MFNG: variants seen among roughly 807,000 people sequenced by gnomAD.
MFNG encodes the protein MFNG O-fucosylpeptide 3-beta-N-acetylglucosaminyltransferase.
A neutral mutation model predicts 34.2 loss-of-function variants in MFNG; 24 were observed. That is an observed-to-expected ratio of 0.70 (90% CI 0.51 to 0.99). The LOEUF (loss-of-function observed/expected upper bound fraction) is 0.99, where lower values mean the gene tolerates loss of function less well. MFNG is among the 50% of genes least tolerant of loss of function. The pLI, the probability that MFNG is intolerant of heterozygous loss-of-function variation, is 0.00. For missense variants in MFNG, 383 were observed against 424.0 expected (o/e 0.90, Z 0.85); for synonymous variants, 158 against 179.2 (o/e 0.88, Z 0.94).
At chr22:37,478,927 C>T (rs1922161712) in intron 4 of MFNG, among the ~76,000 whole-genome samples, 1 of 152,158 alleles carries the variant, frequency 6.6e-6, no homozygotes, top group African/African-American at 2.4e-5. Flanking sequence ...CACCCACCCA[C>T]CTCAGCCTCC....
intron 2 of MFNG, 68 bp downstream of exon 2, chr22:37,480,653 C>T (rs1922253045): frequency 3.4e-6 from 5 of 1,484,758 alleles, no homozygotes; most frequent in Non-Finnish European, 4.7e-6. Flanking sequence ...CAGGCCAGGG[C>T]ACAGCCGCCC....
chr22:37,472,422 G>C, intron 7 of MFNG, 21 bp downstream of exon 7: 1 of 1,551,798 alleles, frequency 6.4e-7, no homozygotes, highest in Non-Finnish European at 8.7e-7. Flanking sequence ...TCCCATCCAA[G>C]GTTCCAGCCC....
Position 37,486,186 on chromosome 22 carries a change from C to G in MFNG, c.-9G>C. 6.5e-7 allele frequency: 1 copy of G among 1,544,580 alleles called. No individual in the cohort carries two copies. The highest frequency in any genetic ancestry group is 8.7e-7 in the Non-Finnish European group (1 of 1,144,490). Reference sequence around the variant, plus strand: ...GGGAGCCGGCACTGCATTGGTTGGCCCTGGGACCCCAGACAGCTCAGCCCC... The same window carrying G: ...GGGAGCCGGCACTGCATTGGTTGGCGCTGGGACCCCAGACAGCTCAGCCCC... On this transcript the variant is annotated 5_prime_UTR_variant, in exon 1 of 8. Transcript: ENST00000356998.
Position 37,483,886 on chromosome 22 carries a change from C to T in MFNG, c.255+2037G>A, listed in dbSNP as rs1922410642. Among the ~76,000 whole-genome samples, 1 of 152,210 alleles carries T rather than the reference C, an allele frequency of 6.6e-6. No homozygotes were observed. Among genetic ancestry groups the T allele is most frequent in the African/African-American group, 2.4e-5 (1 of 41,458 alleles). On this transcript the variant is annotated intron_variant, in intron 1 of 7. Coordinates refer to ENST00000356998, the MANE Select transcript of MFNG (RefSeq NM_002405.4). The surrounding 1 kb of genome is among the most constrained non-coding windows in gnomAD (Gnocchi z 4.5). ...ACAGGAGAGGGCAGTGAGGCTGGCG[C>T]TTTCAGTCCCTGGGAATCCTAAGGT...
Position 37,486,041 on chromosome 22 carries a change from G to A in MFNG, c.137C>T (p.Pro46Leu), listed in dbSNP as rs750527937. The A allele has an allele frequency of 1.6e-5, 26 of 1,613,958 alleles. No homozygotes were observed. Among genetic ancestry groups the A allele is most frequent in the South Asian group, 1.3e-4 (12 of 91,088 alleles). ...QGTPELSQPN[P>L]GPPKLQLHDV... ...GTGTAGCTGTAGCTTAGGGGGCCCC[G>A]GGTTCGGCTGGCTCAGCTCGGGGGT... Residue 46 changes from proline to leucine, a missense_variant, in exon 1 of 8, where the codon CCG becomes CTG. Physicochemically the swap from Pro to Leu is moderately conservative, Grantham distance 98. Coordinates refer to ENST00000356998, the MANE Select transcript of MFNG (RefSeq NM_002405.4).
At position 37,486,359 on chromosome 22, in the gene MFNG, C is replaced by G; in HGVS notation, c.-182G>C. On this transcript the variant is annotated 5_prime_UTR_variant, in exon 1 of 8. Transcript: ENST00000356998. ...AGGCTGAGCCATGGCAGCACGATCT[C>G]GACCGCCGCCAGTCCTCCACCTGCT... 3.6e-6 allele frequency: 2 copies of G among 552,714 alleles called. No individual in the cohort carries two copies. Among genetic ancestry groups the G allele is most frequent in the East Asian group, 6.9e-5 (2 of 28,792 alleles). The allele number at this position is 552,714 out of a possible 1,614,324, so 34.2% of individuals were successfully genotyped here.
At position 37,486,320 on chromosome 22, in the gene MFNG, G is replaced by A. The variant is rs1922556330; in HGVS notation, c.-143C>T. ...CAAGGAGGGAAGAGGTAGGAGCTGA[G>A]GCTCTGGACCCAGAGGCTGAGCCAT... On this transcript the variant is annotated 5_prime_UTR_variant, in exon 1 of 8. Transcript: ENST00000356998. The A allele has an allele frequency of 1.1e-6, 1 of 904,816 alleles. No individual in the cohort carries two copies. Among genetic ancestry groups the A allele is most frequent in the Non-Finnish European group, 1.5e-6 (1 of 646,480 alleles). The allele number at this position is 904,816 out of a possible 1,614,324, so 56.0% of individuals were successfully genotyped here.
Position 37,470,045 on chromosome 22 carries a change from A to G in MFNG, c.900-16T>C, listed in dbSNP as rs764364664. On this transcript the variant is annotated splice_polypyrimidine_tract_variant and intron_variant, in intron 7 of 7. Coordinates refer to ENST00000356998, the MANE Select transcript of MFNG (RefSeq NM_002405.4). ...GGAGCGAAATCTGCAGAGAGACCAG[A>G]AAAGGACAGGATGGTCACCCCCCAC... 151 of 1,586,186 alleles carry G rather than the reference A, an allele frequency of 9.5e-5. No individual in the cohort carries two copies.
rs1922502849 is a variant in MFNG at position 37,485,472 on chromosome 22, C to A, written c.255+451G>T. On this transcript the variant is annotated intron_variant, in intron 1 of 7. Transcript: ENST00000356998. The surrounding 1 kb of genome is among the most constrained non-coding windows in gnomAD (Gnocchi z 5.3). ...CCTCAGAGCCCGGGCAGGACAGCAC[C>A]TAGGGCCTGGGTGGGACAGCCTGGC... is the stretch of plus-strand genomic sequence containing the variant. Among the ~76,000 whole-genome samples the A allele has an allele frequency of 6.6e-6, 1 of 152,202 alleles. No homozygotes were observed. Among genetic ancestry groups the A allele is most frequent in the African/African-American group, 2.4e-5 (1 of 41,464 alleles).
At position 37,469,566 on chromosome 22, in the gene MFNG, A is replaced by G. The variant is rs1169068941; in HGVS notation, c.*397T>C. ...GCAGGAGTGGGCGGCCCAGCGCTTG[A>G]GCCCCAGGGGAATGACTGAGAGACA... On this transcript the variant is annotated 3_prime_UTR_variant, in exon 8 of 8. Transcript: ENST00000356998. 4 of 349,634 alleles carry G rather than the reference A, an allele frequency of 1.1e-5. No homozygotes were observed. The highest frequency in any genetic ancestry group is 2.3e-5 in the Non-Finnish European group (4 of 177,544). 21.7% of individuals were successfully genotyped at this position (349,634 alleles called of 1,614,324 possible). A position where few individuals can be genotyped will look rare whatever the true frequency, so the allele number is the denominator to read the frequency against.
At position 37,472,436 on chromosome 22, in the gene MFNG, G is replaced by A. The variant is rs760657797; in HGVS notation, c.899+7C>T. 8 of 1,572,282 alleles carry A rather than the reference G, an allele frequency of 5.1e-6. 1 individual carries two copies. The South Asian group carries it at 9.3e-5, about 18-fold the overall frequency. ...CTCCCATCCAAGGTTCCAGCCCCCA[G>A]ACCCACCTGGAGGGGTCCTCCTCCG... On this transcript the variant is annotated splice_region_variant and intron_variant, in intron 7 of 7. Transcript: ENST00000356998.
rs899949058 is a variant in MFNG at position 37,486,342 on chromosome 22, C to A, written c.-165G>T. On this transcript the variant is annotated 5_prime_UTR_variant, in exon 1 of 8. Transcript: ENST00000356998. ...TGAGGCTCTGGACCCAGAGGCTGAG[C>A]CATGGCAGCACGATCTCGACCGCCG... The A allele has an allele frequency of 1.6e-5, 11 of 679,264 alleles. No homozygotes were observed. In the African/African-American group the frequency reaches 2.0e-4, roughly 13 times the overall value. 42.1% of individuals were successfully genotyped at this position (679,264 alleles called of 1,614,324 possible).
chr22:37,476,766 T>C, intron 5 of MFNG, 130 bp downstream of exon 5: 2 of 769,584 alleles, frequency 2.6e-6, no homozygotes, highest in Non-Finnish European at 4.3e-6. Flanking sequence ...TGCCGCTCTG[T>C]GACACACGCA....
chr22:37,471,326 T>C (rs1358469544), intron 7 of MFNG, among the ~76,000 whole-genome samples: 1 of 152,206 alleles, frequency 6.6e-6, no homozygotes, highest in African/African-American at 2.4e-5. Context: ...TTGGGGCTAG[T>C]CCAGCTGCCC....
intron 4 of MFNG, among the ~76,000 whole-genome samples, chr22:37,478,656 C>A (rs1441273499): frequency 6.6e-6 from 1 of 151,540 alleles, no homozygotes; most frequent in Non-Finnish European, 1.5e-5. Flanking sequence ...AATCACCCAG[C>A]CCCACAGTAT....
rs1333157928 is a variant in MFNG, at chr22:37,486,086, GA to G, written c.91del (p.Ser31ProfsTer11). ...GGGGGTCCCTTGTACCCGCTGCGGG[GA>G]CAGGTTCAAGTGGTACCGCAGACAC... ...LLCLRYHLNL[S>X]PQRVQGTPEL... On this transcript the variant is annotated frameshift_variant, in exon 1 of 8. Coordinates refer to ENST00000356998, the MANE Select transcript of MFNG (RefSeq NM_002405.4). LOFTEE classifies it high-confidence loss of function. 5 of 1,613,634 alleles carry G rather than the reference GA, an allele frequency of 3.1e-6. No individual in the cohort carries two copies. The highest frequency in any genetic ancestry group is 4.2e-6 in the Non-Finnish European group (5 of 1,179,852).
intron 4 of MFNG, among the ~76,000 whole-genome samples, chr22:37,477,989 G>A (rs1397922438): frequency 2.0e-5 from 3 of 152,250 alleles, no homozygotes; most frequent in South Asian, 2.1e-4. Context: ...AGGCTCCAGC[G>A]TGCAGTTCTC....
Position 37,472,542 on chromosome 22 carries a change from T to C in MFNG, c.814-14A>G, listed in dbSNP as rs1164151291. ...GCTGAGGGTGACCTGGGCAGGGAGA[T>C]AGAAGAGTGTTGGGGCATCACACTG... On this transcript the variant is annotated splice_polypyrimidine_tract_variant and intron_variant, in intron 6 of 7. Coordinates refer to ENST00000356998, the MANE Select transcript of MFNG (RefSeq NM_002405.4). The C allele has an allele frequency of 6.3e-7, 1 of 1,577,638 alleles. No individual in the cohort carries two copies. Among genetic ancestry groups the C allele is most frequent in the African/African-American group, 1.4e-5 (1 of 72,180 alleles).
At chr22:37,470,226 C>G (rs1290035853) in intron 7 of MFNG, among the ~76,000 whole-genome samples, 197 bp from the exon 8 acceptor site, 1 of 152,164 alleles carries the variant, frequency 6.6e-6, no homozygotes, top group East Asian at 1.9e-4. Flanking sequence ...CATTCCTGGG[C>G]TCTACCCACA....
Sources: allele counts gnomAD v4.1 joint callset (sites outside exome capture counted in the v4.1 genomes callset), GRCh38; gene constraint gnomAD v4.1.1; non-coding constraint Gnocchi (gnomAD v3.1); transcripts MANE v1.5; gene names NCBI Gene and HGNC (gene_info 2026-07-23, HGNC 2026-07-21).